Variants in TJP1 observed in about 807,000 individuals in gnomAD.
The protein encoded by TJP1 is tight junction protein ZO-1.
A neutral mutation model predicts 194.2 loss-of-function variants in TJP1; 43 were observed. The observed-to-expected ratio is 0.22, with a 90% CI of 0.17 to 0.29. TJP1 has a LOEUF of 0.29. Among genes scored for constraint, TJP1 ranks in the 10% least tolerant of loss-of-function variants. The probability of loss-of-function intolerance (pLI) is 1.00; values close to 1 mark genes in which losing one functional copy is unlikely to be tolerated. For synonymous variants in TJP1, 801 were observed against 779.0 expected (o/e 1.03, Z -0.47); for missense variants, 1,971 against 2,185.7 (o/e 0.90, Z 1.96).
chr15:29,919,253 G>A (rs1025338234), intron 2 of TJP1, among the ~76,000 whole-genome samples: 1 of 152,228 alleles, frequency 6.6e-6, no homozygotes, highest in African/African-American at 2.4e-5. Context: ...CATCAGAGGA[G>A]AGGAGCAGAA....
intron 27 of TJP1, among the ~76,000 whole-genome samples, chr15:29,703,072 A>T (rs1184159596): frequency 6.6e-6 from 1 of 152,254 alleles, no homozygotes; most frequent in Non-Finnish European, 1.5e-5. Flanking sequence ...AGTAATTTAG[A>T]GTATTACACT....
At chr15:29,962,688 T>C (rs2056201587) in intron 1 of TJP1, among the ~76,000 whole-genome samples, 1 of 152,214 alleles carries the variant, frequency 6.6e-6, no homozygotes, top group Non-Finnish European at 1.5e-5. Flanking sequence ...TAAATCCTTC[T>C]GAAGGACACT....
intron 2 of TJP1, among the ~76,000 whole-genome samples, chr15:29,851,299 C>T (rs2051633435): frequency 6.6e-6 from 1 of 151,950 alleles, no homozygotes; most frequent in Non-Finnish European, 1.5e-5. Context: ...AGGGATATCA[C>T]TACAGACCCT....
chr15:29,877,803 G>T (rs1773332224), intron 2 of TJP1, among the ~76,000 whole-genome samples: 1 of 149,508 alleles, frequency 6.7e-6, no homozygotes, highest in Non-Finnish European at 1.5e-5. Flanking sequence ...GGATTACTGG[G>T]ATTACAGGCG....
chr15:29,699,372 T>TATG (rs2140882364), downstream of TJP1: 1 of 152,322 alleles, frequency 6.6e-6, no homozygotes, highest in Admixed American at 6.5e-5. Context: ...CAACATATTG[T>TATG]ATGATTCCAT....
intron 10 of TJP1, among the ~76,000 whole-genome samples, chr15:29,739,094 TC>T (rs1353394529): frequency 6.6e-6 from 1 of 151,884 alleles, no homozygotes; most frequent in Non-Finnish European, 1.5e-5. Flanking sequence ...ACTTTGGAAA[TC>T]CTCTTCTAAC....
intron 1 of TJP1, 84 bp downstream of exon 1, chr15:29,821,918 G>A (rs1022380034): frequency 5.2e-6 from 6 of 1,151,758 alleles, no homozygotes; most frequent in Non-Finnish European, 6.4e-6. Context: ...CGCCAGCGAG[G>A]GAGGGCGGGA....
chr15:29,949,301 A>T (rs1245125938), intron 2 of TJP1, among the ~76,000 whole-genome samples: 1 of 114,188 alleles, frequency 8.8e-6, no homozygotes, highest in Non-Finnish European at 1.8e-5. Flanking sequence ...CACCTCCACC[A>T]CCACCACCTC....
intron 2 of TJP1, 66 bp from the exon 3 acceptor site, chr15:29,773,423 C>T (rs1309867063): frequency 1.3e-6 from 2 of 1,516,484 alleles, no homozygotes; most frequent in Non-Finnish European, 1.8e-6. Flanking sequence ...TCATACTCTA[C>T]AATCTAGAGA....
chr15:29,809,116 T>C (rs1039674178), intron 1 of TJP1, among the ~76,000 whole-genome samples: 1 of 152,236 alleles, frequency 6.6e-6, no homozygotes, highest in African/African-American at 2.4e-5. Flanking sequence ...ATACATGATA[T>C]GTAAAATATA....
chr15:29,738,865 TA>T (rs71103406), intron 10 of TJP1, among the ~76,000 whole-genome samples: 46 of 48,866 alleles, frequency 9.4e-4, no homozygotes, highest in African/African-American at 2.1e-3. Context: ...CTGTCACTAC[TA>T]AAAAAAAAAA....
intron 2 of TJP1, among the ~76,000 whole-genome samples, chr15:29,832,911 G>A (rs1368289718): frequency 6.6e-6 from 1 of 152,204 alleles, no homozygotes; most frequent in African/African-American, 2.4e-5. Context: ...AGTGTGTGGA[G>A]AGAACACACA....
At chr15:29,737,918 T>C (rs933133243) in intron 10 of TJP1, among the ~76,000 whole-genome samples, 28 of 152,200 alleles carry the variant, frequency 1.8e-4, no homozygotes, top group African/African-American at 6.5e-4. Flanking sequence ...TAAAAAAACT[T>C]TGCAGTTGGT....
intron 2 of TJP1, among the ~76,000 whole-genome samples, chr15:29,868,759 G>C (rs1344884120): frequency 1.3e-5 from 2 of 152,136 alleles, no homozygotes; most frequent in Non-Finnish European, 2.9e-5. Context: ...GGACATAAGA[G>C]AAAGATTTTG....
intron 2 of TJP1, among the ~76,000 whole-genome samples, chr15:29,778,005 C>T (rs775632443): frequency 8.6e-5 from 13 of 151,756 alleles, no homozygotes; most frequent in Non-Finnish European, 1.8e-4. Flanking sequence ...ATTTTATTTT[C>T]CTCTTTTATT....
intron 25 of TJP1, among the ~76,000 whole-genome samples, chr15:29,707,191 T>G (rs2041952178): frequency 6.6e-6 from 1 of 152,086 alleles, no homozygotes; most frequent in African/African-American, 2.4e-5. Context: ...GTAGATTAAC[T>G]TAGTAATCAC....
chr15:29,787,427 A>G (rs2047767792), intron 2 of TJP1, among the ~76,000 whole-genome samples: 1 of 152,192 alleles, frequency 6.6e-6, no homozygotes, highest in Non-Finnish European at 1.5e-5. Context: ...ATAAGCAACA[A>G]AAGAGAAAAC....
chr15:29,790,502 G>A (rs11639368), intron 2 of TJP1, among the ~76,000 whole-genome samples: 288 of 152,216 alleles, frequency 1.9e-3, no homozygotes, highest in South Asian at 3.3e-3. Flanking sequence ...GGGTAACTGG[G>A]ATATTCATAA....
At chr15:29,908,429 C>T (rs1362567154) in intron 2 of TJP1, among the ~76,000 whole-genome samples, 1 of 152,180 alleles carries the variant, frequency 6.6e-6, no homozygotes, top group Non-Finnish European at 1.5e-5. Context: ...GAATGCTATA[C>T]TCAACCAAGC....
Sources: allele counts gnomAD v4.1 joint callset (sites outside exome capture counted in the v4.1 genomes callset), GRCh38; gene constraint gnomAD v4.1.1; transcripts MANE v1.5; gene names NCBI Gene and HGNC (gene_info 2026-07-23, HGNC 2026-07-21).